Variants in NRXN3 observed in about 807,000 individuals in gnomAD.
The protein encoded by NRXN3 is neurexin III.
A neutral mutation model predicts 137.6 loss-of-function variants in NRXN3; 32 were observed. The ratio of observed to expected loss-of-function variants is 0.23; its 90% CI spans 0.18 to 0.31. The LOEUF is 0.31. Ranked by LOEUF, NRXN3 falls within the 10% of genes least tolerant of loss-of-function variation. The pLI is 1.00. For synonymous variants in NRXN3, 798 were observed against 784.5 expected, an observed-to-expected ratio of 1.02 and a Z score of -0.29; for missense variants, 1,574 against 2,062.5, an observed-to-expected ratio of 0.76 and a Z score of 4.59.
intron 15 of NRXN3, among the ~76,000 whole-genome samples, chr14:79,342,475 T>C (rs779656117): frequency 2.0e-5 from 3 of 152,166 alleles, no homozygotes; most frequent in Non-Finnish European, 2.9e-5. Flanking sequence ...AAAATTTTTA[T>C]GTGTGTGCCC....
chr14:79,841,970 G>T (rs1032094815), intron 20 of NRXN3, among the ~76,000 whole-genome samples: 16 of 152,210 alleles, frequency 1.1e-4, no homozygotes, highest in Middle Eastern at 3.2e-3. Flanking sequence ...TAATTAGTTT[G>T]CAAAACATGT....
intron 15 of NRXN3, among the ~76,000 whole-genome samples, chr14:79,161,331 T>C (rs1389866218): frequency 6.6e-6 from 1 of 151,912 alleles, no homozygotes; most frequent in Non-Finnish European, 1.5e-5. Flanking sequence ...TATACTCACT[T>C]CCTAATCCCA....
At chr14:78,820,851 A>G (rs1266282764) in intron 10 of NRXN3, among the ~76,000 whole-genome samples, 1 of 152,224 alleles carries the variant, frequency 6.6e-6, no homozygotes, top group Non-Finnish European at 1.5e-5. Context: ...AATGGAGATC[A>G]TGTCCTCTAA....
intron 4 of NRXN3, among the ~76,000 whole-genome samples, chr14:78,598,017 A>G (rs1432771201): frequency 6.6e-6 from 1 of 152,246 alleles, no homozygotes; most frequent in African/African-American, 2.4e-5. Context: ...TCTGCTTCAC[A>G]GCTCTGGGCC....
intron 15 of NRXN3, chr14:79,279,524 GT>G (rs1172724209): frequency 1.0e-6 from 1 of 986,094 alleles, no homozygotes; most frequent in Admixed American, 6.2e-5. Flanking sequence ...TGCCACGTTG[GT>G]TTGGGTGGCT....
chr14:79,812,998 A>G (rs2099239856), intron 20 of NRXN3, among the ~76,000 whole-genome samples: 1 of 152,136 alleles, frequency 6.6e-6, no homozygotes, highest in Admixed American at 6.5e-5. Context: ...CTGTGTGTAT[A>G]TATATATATA....
intron 15 of NRXN3, among the ~76,000 whole-genome samples, chr14:79,409,447 G>T: frequency 6.7e-6 from 1 of 149,070 alleles, no homozygotes; most frequent in South Asian, 2.1e-4. Flanking sequence ...TGCATATGTA[G>T]GTATATGTAT....
intron 15 of NRXN3, among the ~76,000 whole-genome samples, chr14:79,088,793 C>T (rs1210886468): frequency 6.6e-6 from 1 of 151,864 alleles, no homozygotes; most frequent in Non-Finnish European, 1.5e-5. Flanking sequence ...ATGTGCCTTC[C>T]TGGTTAAAAG....
rs145999847 is a variant in NRXN3 at position 79,631,571 on chromosome 14, G to A, written c.3445-32207G>A. Among the ~76,000 whole-genome samples, 1,033 of 152,360 alleles carry A rather than the reference G, an allele frequency of 6.8e-3. 12 individuals carry two copies. Among genetic ancestry groups the A allele is most frequent in the Middle Eastern group, 0.044 (13 of 294 alleles). On this transcript the variant is annotated intron_variant, in intron 16 of 20. Coordinates refer to ENST00000335750, the MANE Select transcript of NRXN3 (RefSeq NM_001330195.2). ...ATGCCTGCTGGGCTTGAAAAGGGAC[G>A]AGCTCCCTCTGGGCTGCCGGAGTGC...
intron 15 of NRXN3, among the ~76,000 whole-genome samples, chr14:79,444,394 T>C (rs926870212): frequency 6.6e-6 from 1 of 152,230 alleles, no homozygotes; most frequent in African/African-American, 2.4e-5. Context: ...TAATAATAGT[T>C]ATACGACTGC....
At chr14:78,346,936 T>C (rs568655011) in intron 4 of NRXN3, among the ~76,000 whole-genome samples, 1 of 152,286 alleles carries the variant, frequency 6.6e-6, no homozygotes, top group African/African-American at 2.4e-5. Context: ...ATGAGGACTT[T>C]GCTGACAGCA....
At chr14:79,772,763 C>T (rs1273538947) in intron 19 of NRXN3, among the ~76,000 whole-genome samples, 2 of 151,898 alleles carry the variant, frequency 1.3e-5, no homozygotes, top group African/African-American at 4.8e-5. Context: ...CAACCAAAGC[C>T]AAAATTGACA....
intron 19 of NRXN3, among the ~76,000 whole-genome samples, chr14:79,753,538 G>A (rs1310227225): frequency 1.5e-5 from 2 of 131,880 alleles, no homozygotes; most frequent in Admixed American, 1.7e-4. Flanking sequence ...CATGGACACA[G>A]GAAGGGGAAC....
chr14:78,285,514 C>T (rs2075053347), intron 3 of NRXN3, among the ~76,000 whole-genome samples: 1 of 152,106 alleles, frequency 6.6e-6, no homozygotes, highest in Non-Finnish European at 1.5e-5. Context: ...AGTAGTGGAA[C>T]AGAATGCAAA....
intron 15 of NRXN3, among the ~76,000 whole-genome samples, chr14:79,028,077 C>T (rs1341200750): frequency 1.3e-5 from 2 of 152,082 alleles, no homozygotes; most frequent in Non-Finnish European, 2.9e-5. Flanking sequence ...ATATGTAAAT[C>T]GTTTTACTGT....
intron 16 of NRXN3, among the ~76,000 whole-genome samples, chr14:79,540,812 G>A (rs1882216287): frequency 1.3e-5 from 2 of 152,208 alleles, no homozygotes; most frequent in African/African-American, 2.4e-5. Flanking sequence ...TAAGAGGTTA[G>A]TGTGGATGAG....
intron 1 of NRXN3, among the ~76,000 whole-genome samples, chr14:78,220,673 G>A (rs1229074951): frequency 1.3e-5 from 2 of 152,106 alleles, no homozygotes; most frequent in African/African-American, 4.8e-5. Flanking sequence ...GGGGGTGAGT[G>A]GGGAGCCTAT....
At chr14:79,029,460 A>T (rs2099603815) in intron 15 of NRXN3, among the ~76,000 whole-genome samples, 1 of 152,186 alleles carries the variant, frequency 6.6e-6, no homozygotes, top group African/African-American at 2.4e-5. Flanking sequence ...CCTTTCTAAG[A>T]CTTTGACATG....
chr14:78,718,997 C>T (rs1014706894), intron 8 of NRXN3, among the ~76,000 whole-genome samples: 4 of 152,210 alleles, frequency 2.6e-5, no homozygotes, highest in Non-Finnish European at 4.4e-5. Context: ...GAGCTATGAT[C>T]ACTTGACCTG....
Sources: allele counts gnomAD v4.1 joint callset (sites outside exome capture counted in the v4.1 genomes callset), GRCh38; gene constraint gnomAD v4.1.1; transcripts MANE v1.5; gene names NCBI Gene and HGNC (gene_info 2026-07-23, HGNC 2026-07-21).